Variants in CALN1 observed in about 807,000 individuals in gnomAD.
CALN1 encodes calcium-binding protein 8.
In CALN1, 17 loss-of-function variants were observed where a neutral mutation model predicts 30.6. That is an observed-to-expected ratio of 0.56 (90% CI 0.38 to 0.83). CALN1 has a LOEUF of 0.83. Among genes scored for constraint, CALN1 ranks in the 40% least tolerant of loss-of-function variants. CALN1 has a pLI of 0.00. For missense variants in CALN1, 291 were observed against 354.9 expected (o/e 0.82, Z 1.45); for synonymous variants, 156 against 131.4 (o/e 1.19, Z -1.28).
At chr7:72,306,874 G>A (rs1799690915) in intron 2 of CALN1, among the ~76,000 whole-genome samples, 1 of 152,072 alleles carries the variant, frequency 6.6e-6, no homozygotes. Context: ...ACTCCTATTT[G>A]GCTCAGAATA....
chr7:71,779,705 A>G lies in CALN1; in HGVS notation c.*8070T>C, dbSNP rs1792617172. 1 of 152,172 alleles carries G rather than the reference A, an allele frequency of 6.6e-6. No homozygotes were observed. Among genetic ancestry groups the G allele is most frequent in the Admixed American group, 6.5e-5 (1 of 15,272 alleles). The allele number at this position is 152,172 out of a possible 1,614,324, so 9.4% of individuals were successfully genotyped here. On this transcript the variant is annotated 3_prime_UTR_variant, in exon 7 of 7. Transcript: ENST00000395275. ...TAAGTTAATTTATATTAATATGTAC[A>G]TTTTATATAAAGATTCTTTTTTGAC...
chr7:71,993,615 C>A (rs2129528018), intron 5 of CALN1, among the ~76,000 whole-genome samples: 1 of 152,182 alleles, frequency 6.6e-6, no homozygotes, highest in South Asian at 2.1e-4. Flanking sequence ...TGTCAACACA[C>A]CCAGCTAATT....
intron 4 of CALN1, among the ~76,000 whole-genome samples, chr7:72,067,003 G>A (rs1804068665): frequency 6.6e-6 from 1 of 151,390 alleles, no homozygotes; most frequent in Middle Eastern, 3.4e-3. Flanking sequence ...TGCCCAGGGT[G>A]GTTTTGAACT....
At chr7:71,923,254 C>G (rs1795076444) in intron 5 of CALN1, among the ~76,000 whole-genome samples, 1 of 152,162 alleles carries the variant, frequency 6.6e-6, no homozygotes, top group Admixed American at 6.6e-5. Context: ...AGCCTACAGC[C>G]AACCTCAGAA....
intron 5 of CALN1, among the ~76,000 whole-genome samples, chr7:71,894,778 A>G (rs1234691556): frequency 6.6e-6 from 1 of 151,976 alleles, no homozygotes; most frequent in Non-Finnish European, 1.5e-5. Context: ...ACTTAAATCA[A>G]CTCTTAGTTT....
At chr7:72,262,239 C>T (rs945547608) in intron 3 of CALN1, among the ~76,000 whole-genome samples, 3 of 152,194 alleles carry the variant, frequency 2.0e-5, no homozygotes, top group Admixed American at 6.5e-5. Flanking sequence ...GACACGTTCC[C>T]TCCTGATCCT....
intron 5 of CALN1, among the ~76,000 whole-genome samples, chr7:71,867,519 C>A (rs1265322135): frequency 6.6e-6 from 1 of 152,066 alleles, no homozygotes; most frequent in African/African-American, 2.4e-5. Flanking sequence ...ATTGCAACCT[C>A]CACCTCCCGG....
chr7:71,787,678 G>C lies in CALN1; in HGVS notation c.*97C>G, dbSNP rs1793053101. 6.6e-7 allele frequency: 1 copy of C among 1,521,434 alleles called. No individual in the cohort carries two copies. The highest frequency in any genetic ancestry group is 1.8e-5 in the Admixed American group (1 of 54,624). The allele number at this position is 1,521,434 out of a possible 1,614,324, so 94.2% of individuals were successfully genotyped here. On this transcript the variant is annotated 3_prime_UTR_variant, in exon 7 of 7. Transcript: ENST00000395275. ...GTTCCATCGTCCGCATCCATCCATA[G>C]TCCATAGGTCCGTGTCTGCTGTGTG...
chr7:71,846,907 T>TACAC (rs1359487357), intron 5 of CALN1, among the ~76,000 whole-genome samples: 4 of 146,592 alleles, frequency 2.7e-5, no homozygotes, highest in Non-Finnish European at 6.0e-5. Flanking sequence ...ATATAATATA[T>TACAC]ACATACATAT....
chr7:72,292,921 T>A (rs1337357604), intron 2 of CALN1, among the ~76,000 whole-genome samples: 2 of 152,034 alleles, frequency 1.3e-5, no homozygotes, highest in African/African-American at 4.8e-5. Context: ...TCCTATTTCC[T>A]GCCTGTGCCA....
intron 3 of CALN1, among the ~76,000 whole-genome samples, chr7:72,148,102 A>G (rs936998697): frequency 1.2e-5 from 1 of 85,204 alleles, no homozygotes; most frequent in African/African-American, 5.4e-5. Context: ...AAAAAAAAAT[A>G]AAAAAAAAAA....
intron 5 of CALN1, among the ~76,000 whole-genome samples, chr7:71,943,676 A>T (rs571729355): frequency 2.0e-5 from 3 of 152,070 alleles, no homozygotes; most frequent in Non-Finnish European, 4.4e-5. Flanking sequence ...TCATGAACTC[A>T]GGTCATTCAC....
chr7:71,921,823 C>G (rs1302002917), intron 5 of CALN1, among the ~76,000 whole-genome samples: 2 of 151,992 alleles, frequency 1.3e-5, no homozygotes, highest in African/African-American at 4.8e-5. Flanking sequence ...TACCTCTGCA[C>G]CATCCCCCCC....
At chr7:71,845,470 C>T (rs1003511279) in intron 5 of CALN1, among the ~76,000 whole-genome samples, 1 of 152,200 alleles carries the variant, frequency 6.6e-6, no homozygotes, top group Non-Finnish European at 1.5e-5. Flanking sequence ...CTCCTGGCAG[C>T]TTGGCTTTGT....
chr7:72,045,269 T>A (rs1802394867), intron 4 of CALN1, among the ~76,000 whole-genome samples: 1 of 152,148 alleles, frequency 6.6e-6, no homozygotes, highest in Non-Finnish European at 1.5e-5. Flanking sequence ...TGCTGCCTGC[T>A]CCAAGCTGGG....
intron 3 of CALN1, among the ~76,000 whole-genome samples, chr7:72,209,681 T>C (rs1351844063): frequency 1.3e-5 from 2 of 152,128 alleles, no homozygotes; most frequent in Non-Finnish European, 2.9e-5. Context: ...AAAAACCCTC[T>C]CTACACTTTG....
intron 2 of CALN1, among the ~76,000 whole-genome samples, chr7:72,381,647 T>A (rs1269562953): frequency 6.6e-6 from 1 of 151,994 alleles, no homozygotes; most frequent in Non-Finnish European, 1.5e-5. Context: ...GGGAGCTGAA[T>A]AATGAGAACG....
At chr7:72,127,653 G>A (rs1808860349) in intron 3 of CALN1, among the ~76,000 whole-genome samples, 1 of 152,102 alleles carries the variant, frequency 6.6e-6, no homozygotes, top group Admixed American at 6.6e-5. Flanking sequence ...ACATCAGGAG[G>A]GCTCCAAGGT....
intron 2 of CALN1, among the ~76,000 whole-genome samples, chr7:72,320,173 A>G (rs1800773499): frequency 6.6e-6 from 1 of 152,126 alleles, no homozygotes; most frequent in Non-Finnish European, 1.5e-5. Context: ...TCTAAAAATC[A>G]GGCTGTAATA....
Sources: allele counts gnomAD v4.1 joint callset (sites outside exome capture counted in the v4.1 genomes callset), GRCh38; gene constraint gnomAD v4.1.1; transcripts MANE v1.5; gene names NCBI Gene and HGNC (gene_info 2026-07-23, HGNC 2026-07-21).